ZNF701: variants seen among roughly 807,000 people sequenced by gnomAD.
The protein encoded by ZNF701 is zinc finger protein 701.
In ZNF701, 6 loss-of-function variants were observed where a neutral mutation model predicts 7.1. The ratio of observed to expected loss-of-function variants is 0.84; its 90% CI spans 0.46 to 1.66. The LOEUF (loss-of-function observed/expected upper bound fraction) is 1.66, where lower values mean the gene tolerates loss of function less well. Ranked by LOEUF, ZNF701 falls within the 40% of genes most tolerant of loss-of-function variation. The pLI, the probability that ZNF701 is intolerant of heterozygous loss-of-function variation, is 0.01. For missense variants in ZNF701, 541 were observed against 559.2 expected, an observed-to-expected ratio of 0.97 and a Z score of 0.33; for synonymous variants, 166 against 188.2, an observed-to-expected ratio of 0.88 and a Z score of 0.97.
At chr19:52,588,815 C>T (rs1024360589), downstream of ZNF701, among the ~76,000 whole-genome samples, 1 of 152,174 alleles carries the variant, frequency 6.6e-6, no homozygotes, top group African/African-American at 2.4e-5. Context: ...GCAATCTGGG[C>T]TCACTGCAAC....
At position 52,582,703 on chromosome 19, in the gene ZNF701, T is replaced by C; in HGVS notation, c.644T>C (p.Phe215Ser). The C allele has an allele frequency of 1.2e-6, 2 of 1,614,108 alleles. No homozygotes were observed. Among genetic ancestry groups the C allele is most frequent in the Non-Finnish European group, 1.7e-6 (2 of 1,180,010 alleles). Residue 215 changes from phenylalanine to serine, a missense_variant, in exon 4 of 4, where the codon TTC (phenylalanine) becomes TCC (serine). By Grantham distance (155) the Phe-to-Ser change is radical (BLOSUM62 -2). Transcript: ENST00000391785. ...GAAGTACACACAAGAGAAAAATCTTTCCAACGTAATGAGAGTGGCAAAGCC... is the reference window on the plus strand; with the variant it reads ...GAAGTACACACAAGAGAAAAATCTTCCCAACGTAATGAGAGTGGCAAAGCC... ...KREVHTREKS[F>S]QRNESGKAFN...
intron 3 of ZNF701, among the ~76,000 whole-genome samples, chr19:52,581,044 A>G (rs1311966091): frequency 1.3e-5 from 2 of 152,044 alleles, no homozygotes; most frequent in Admixed American, 1.3e-4. Context: ...GACTTGCTTG[A>G]ACCCAGGAGG....
At chr19:52,573,021 ATCACATTAC>A (rs1231112640) in intron 1 of ZNF701, 1 of 254,940 alleles carries the variant, frequency 3.9e-6, no homozygotes, top group African/African-American at 2.3e-5. Flanking sequence ...ATCAGTCTCT[ATCACATTAC>A]TCAGGTTTTA....
At chr19:52,590,072 G>T (rs563686173), downstream of ZNF701, among the ~76,000 whole-genome samples, 1 of 145,082 alleles carries the variant, frequency 6.9e-6, no homozygotes, top group East Asian at 2.1e-4. Context: ...GGGATTTCAG[G>T]CATGAGCCAC....
At chr19:52,593,512 T>C in the ZNF701 span, among the ~76,000 whole-genome samples, 34 of 106,096 alleles carry the variant, frequency 3.2e-4, no homozygotes, top group African/African-American at 1.2e-3. Context: ...ACCTGCCAGA[T>C]GGGGTGGCTG....
chr19:52,599,800 G>A, the ZNF701 span, among the ~76,000 whole-genome samples: 1 of 152,116 alleles, frequency 6.6e-6, no homozygotes, highest in Non-Finnish European at 1.5e-5. Context: ...ATCAGTTTCT[G>A]TCGGATTGTA....
Position 52,585,763 on chromosome 19 carries a change from TA to T in ZNF701, c.*2308del, listed in dbSNP as rs34489790. 0.3 allele frequency: 45,360 copies of T among 151,958 alleles called. 7,743 individuals carry two copies. The highest frequency in any genetic ancestry group is 0.44 in the South Asian group (2,128 of 4,826). 9.4% of individuals were successfully genotyped at this position (151,958 alleles called of 1,614,324 possible). A position where few individuals can be genotyped will look rare whatever the true frequency, so the allele number is the denominator to read the frequency against. Reference sequence around the variant, plus strand: ...AGAATTTGGCCCTTGGCCAAGGAAATAACTGAGGTAAATTGGCCTGAGGCCA... The same window carrying T: ...AGAATTTGGCCCTTGGCCAAGGAAATACTGAGGTAAATTGGCCTGAGGCCA... On this transcript the variant is annotated 3_prime_UTR_variant, in exon 4 of 4. Coordinates refer to ENST00000391785, the MANE Select transcript of ZNF701 (RefSeq NM_018260.3).
At chr19:52,591,083 C>G (rs951697990), downstream of ZNF701, among the ~76,000 whole-genome samples, 3 of 151,982 alleles carry the variant, frequency 2.0e-5, no homozygotes, top group African/African-American at 7.3e-5. Flanking sequence ...CCTGATCCAC[C>G]CATCTCGGCC....
chr19:52,573,980 A>G (rs1476330018), intron 1 of ZNF701, 97 bp from the exon 2 acceptor site: 6 of 1,307,660 alleles, frequency 4.6e-6, no homozygotes, highest in Non-Finnish European at 5.3e-6. Flanking sequence ...AGGTGACCAT[A>G]TTTTTTCAGA....
At chr19:52,587,974 T>C (rs1600094077), downstream of ZNF701, among the ~76,000 whole-genome samples, 2 of 152,280 alleles carry the variant, frequency 1.3e-5, no homozygotes, top group East Asian at 1.9e-4. Context: ...CAGATCTGTG[T>C]CCTGAAGATC....
chr19:52,576,070 T>G (rs771148450), intron 3 of ZNF701, 49 bp downstream of exon 3: 2 of 1,606,548 alleles, frequency 1.2e-6, no homozygotes, highest in African/African-American at 1.3e-5. Context: ...TGTGGATCTT[T>G]GTATTTTCTC....
At chr19:52,591,110 T>C (rs1357514271), downstream of ZNF701, among the ~76,000 whole-genome samples, 3 of 152,080 alleles carry the variant, frequency 2.0e-5, no homozygotes, top group South Asian at 6.2e-4. Flanking sequence ...AGTGCTGGGA[T>C]TATAGGTGTG....
intron 1 of ZNF701, 121 bp from the exon 2 acceptor site, chr19:52,573,956 G>A (rs2059916341): frequency 1.0e-6 from 1 of 994,586 alleles, no homozygotes; most frequent in Non-Finnish European, 1.5e-6. Context: ...TATCCCTGGT[G>A]CAGTGGGCAG....
intron 3 of ZNF701, among the ~76,000 whole-genome samples, chr19:52,581,759 C>T (rs2059977172): frequency 6.6e-6 from 1 of 152,134 alleles, no homozygotes; most frequent in Non-Finnish European, 1.5e-5. Flanking sequence ...TTTGATTATC[C>T]TTACAGGAGC....
chr19:52,589,478 C>CTTTTTTTTTTTT (rs11414668), downstream of ZNF701, among the ~76,000 whole-genome samples: 1 of 138,792 alleles, frequency 7.2e-6, no homozygotes, highest in Non-Finnish European at 1.5e-5. Flanking sequence ...CACATGCCTG[C>CTTTTTTTTTTTT]TTTTTTTTTT....
At chr19:52,597,237 C>T in the ZNF701 span, 2 of 549,798 alleles carry the variant, frequency 3.6e-6, no homozygotes, top group South Asian at 2.8e-5. Flanking sequence ...TAGGAGAATT[C>T]ATACAGGAGA....
rs1488155698 is a variant in ZNF701 at position 52,575,896 on chromosome 19, G to A, written c.17G>A (p.Gly6Asp). ...GCTTAAAATGTGTTTTCCTTTCAGG[G>A]TCTACTGACATTCAGGGATGTGGCC... MALLQGLLTFRDVAIE... is the reference protein window; with the variant it reads MALLQDLLTFRDVAIE... The change falls in exon 3 of 4, where the codon GGT becomes GAT. Residue 6 changes from glycine (G) to aspartate (D), a missense_variant and splice_region_variant. Physicochemically the swap from Gly to Asp is moderately conservative, Grantham distance 94. Coordinates refer to ENST00000391785, the MANE Select transcript of ZNF701 (RefSeq NM_018260.3). The A allele has an allele frequency of 7.3e-6, 11 of 1,508,564 alleles. No homozygotes were observed. The highest frequency in any genetic ancestry group is 1.5e-5 in the African/African-American group (1 of 68,216). 93.4% of individuals were successfully genotyped at this position (1,508,564 alleles called of 1,614,324 possible). A position where few individuals can be genotyped will look rare whatever the true frequency, so the allele number is the denominator to read the frequency against.
chr19:52,578,512 C>G (rs1416935871), intron 3 of ZNF701, among the ~76,000 whole-genome samples: 1 of 152,160 alleles, frequency 6.6e-6, no homozygotes, highest in Non-Finnish European at 1.5e-5. Flanking sequence ...TCCCCCAGGC[C>G]CAGCTGCTTT....
the ZNF701 span, chr19:52,598,940 C>G: frequency 6.6e-6 from 1 of 152,030 alleles, no homozygotes; most frequent in Non-Finnish European, 1.5e-5. Flanking sequence ...GGTATAAGTC[C>G]TCCTTTAAAA....
Sources: gnomAD v4.1 joint callset for allele counts (sites outside exome capture counted in the v4.1 genomes callset) on GRCh38, gnomAD v4.1.1 for gene constraint, MANE v1.5 for transcripts, NCBI Gene and HGNC (gene_info 2026-07-23, HGNC 2026-07-21) for gene names.